The following EIF2AK3 variants were observed in gnomAD, a reference collection of about 807,000 sequenced individuals.
EIF2AK3 encodes eukaryotic translation initiation factor 2-alpha kinase 3.
EIF2AK3 carries 50 observed loss-of-function variants against 113.5 expected under a neutral mutation model. The observed-to-expected ratio is 0.44, with a 90% CI of 0.35 to 0.56. The LOEUF (loss-of-function observed/expected upper bound fraction) is 0.56. Ranked by LOEUF, EIF2AK3 falls within the 20% of genes least tolerant of loss-of-function variation. The pLI is 0.00. For synonymous variants in EIF2AK3, 448 were observed against 495.4 expected (o/e 0.90, Z 1.27); for missense variants, 1,185 against 1,378.0 (o/e 0.86, Z 2.22).
At chr2:88,625,472 C>T (rs761105975) in intron 1 of EIF2AK3, among the ~76,000 whole-genome samples, 28 of 152,198 alleles carry the variant, frequency 1.8e-4, no homozygotes, top group Non-Finnish European at 4.1e-4. Context: ...CTCTTATCTT[C>T]TTACCTACCC....
intron 8 of EIF2AK3, among the ~76,000 whole-genome samples, chr2:88,587,204 C>CAAAAAAAAAAAAAAAAAAAAAA (rs780050125): frequency 3.3e-5 from 1 of 30,262 alleles, no homozygotes; most frequent in African/African-American, 1.8e-4. Flanking sequence ...AACTCCATCT[C>CAAAAAAAAAAAAAAAAAAAAAA]AAAAAAAAAA....
intron 2 of EIF2AK3, among the ~76,000 whole-genome samples, chr2:88,596,060 T>C (rs1337854884): frequency 6.6e-6 from 1 of 152,182 alleles, no homozygotes; most frequent in Non-Finnish European, 1.5e-5. Flanking sequence ...CATGATTATG[T>C]GTAATATGTG....
At chr2:88,570,644 G>C (rs985182442) in intron 14 of EIF2AK3, among the ~76,000 whole-genome samples, 10 of 152,310 alleles carry the variant, frequency 6.6e-5, no homozygotes, top group African/African-American at 2.2e-4. Context: ...GCTTGTTCAG[G>C]GGGTGAGTGC....
chr2:88,583,518 A>G lies in EIF2AK3; in HGVS notation c.1675T>C (p.Cys559Arg). 6.2e-7 allele frequency: 1 copy of G among 1,613,084 alleles called. No individual in the cohort carries two copies. Among genetic ancestry groups the G allele is most frequent in the Non-Finnish European group, 8.5e-7 (1 of 1,179,622 alleles). The change falls in exon 10 of 17, where the codon TGT becomes CGT. Residue 559 changes from cysteine to arginine, a missense_variant. Around this residue, in one of 3 missense-constraint regions of EIF2AK3, gnomAD observed 877 missense variants for 1,024.2 expected, o/e 0.86. Coordinates refer to ENST00000303236, the MANE Select transcript of EIF2AK3 (RefSeq NM_004836.7). ...GAATCATATTTATTTTCAGTTTGAC[A>G]CTGAGTTTCAGACTCCTTCCTTTGC... is the stretch of plus-strand genomic sequence containing the variant. Reference protein sequence around the residue: ...HRQRKESETQCQTENKYDSVS... With the variant: ...HRQRKESETQRQTENKYDSVS...
intron 1 of EIF2AK3, among the ~76,000 whole-genome samples, chr2:88,619,692 C>G (rs374834418): frequency 1.4e-3 from 214 of 152,180 alleles, no homozygotes; most frequent in South Asian, 7.5e-3. Flanking sequence ...GGTGACTCAC[C>G]CCTGTAATCC....
rs769870153 is a variant in EIF2AK3, at chr2:88,574,711, T to G, written c.2772A>C (p.Ala924=). The G allele has an allele frequency of 1.5e-5, 25 of 1,614,058 alleles. No homozygotes were observed. In the South Asian group the frequency reaches 2.5e-4, roughly 16 times the overall value. The change falls in exon 13 of 17, where the codon GCA becomes GCC. Residue 924 remains alanine, a synonymous_variant. Transcript: ENST00000303236. ...CLHIFLQIAE[A]VEFLHSKGLM... ...GTCCTTTACTGTGAAGAAACTCCACTGCCTCTGCGATCTGCAGGAAGATGT... is the reference window on the plus strand; with the variant it reads ...GTCCTTTACTGTGAAGAAACTCCACGGCCTCTGCGATCTGCAGGAAGATGT...
Position 88,590,575 on chromosome 2 carries a change from G to A in EIF2AK3, c.1033C>T (p.Leu345Phe), listed in dbSNP as rs767330545. The change falls in exon 6 of 17, where the codon CTT (leucine) becomes TTT (phenylalanine). Residue 345 changes from leucine (L) to phenylalanine (F), a missense_variant. Transcript: ENST00000303236. ...FCTPIASAWLLKDGKVIPISL... is the reference protein window; with the variant it reads ...FCTPIASAWLFKDGKVIPISL... ...ATGGGAATGACTTTCCCATCCTTAA[G>A]TAACCAGGCAGATGCAATTGGAGTA... is the stretch of plus-strand genomic sequence containing the variant. The A allele has an allele frequency of 3.1e-6, 5 of 1,613,198 alleles. No individual in the cohort carries two copies. The highest frequency in any genetic ancestry group is 3.3e-5 in the Admixed American group (2 of 60,004).
intron 7 of EIF2AK3, among the ~76,000 whole-genome samples, chr2:88,588,429 C>A (rs890656032): frequency 6.6e-6 from 1 of 152,136 alleles, no homozygotes; most frequent in Non-Finnish European, 1.5e-5. Flanking sequence ...GATGTGCTAA[C>A]CAGATAACTT....
chr2:88,605,934 C>A (rs773905885), intron 2 of EIF2AK3, among the ~76,000 whole-genome samples: 2 of 152,020 alleles, frequency 1.3e-5, no homozygotes, highest in African/African-American at 4.8e-5. Flanking sequence ...TGATGATGCC[C>A]TAACGGGAGG....
At chr2:88,581,999 A>G (rs540147840) in intron 10 of EIF2AK3, among the ~76,000 whole-genome samples, 45 of 152,326 alleles carry the variant, frequency 3.0e-4, no homozygotes, top group East Asian at 2.3e-3. Flanking sequence ...CAGTATTTAC[A>G]GGTCCAGGGA....
At chr2:88,586,651 C>T (rs1365645110) in intron 8 of EIF2AK3, among the ~76,000 whole-genome samples, 1 of 145,030 alleles carries the variant, frequency 6.9e-6, no homozygotes, top group Non-Finnish European at 1.5e-5. Context: ...GGCTGGAGTG[C>T]AGTGATCTTG....
intron 1 of EIF2AK3, among the ~76,000 whole-genome samples, chr2:88,620,925 G>T (rs1037991544): frequency 1.3e-5 from 2 of 152,142 alleles, no homozygotes; most frequent in Non-Finnish European, 2.9e-5. Flanking sequence ...TTTGTTGAAT[G>T]AATAAACCTT....
intron 10 of EIF2AK3, among the ~76,000 whole-genome samples, chr2:88,582,397 C>T (rs1018783951): frequency 6.6e-6 from 1 of 152,100 alleles, no homozygotes; most frequent in African/African-American, 2.4e-5. Context: ...TACCAATCTC[C>T]CAGACCCTTC....
chr2:88,582,471 C>T (rs1215163912), intron 10 of EIF2AK3, among the ~76,000 whole-genome samples: 1 of 152,080 alleles, frequency 6.6e-6, no homozygotes, highest in African/African-American at 2.4e-5. Flanking sequence ...TGTTGTTCTC[C>T]AATGGGAAAG....
At position 88,595,486 on chromosome 2, in the gene EIF2AK3, T is replaced by G. The variant is rs1483244464; in HGVS notation, c.616A>C (p.Ser206Arg). Residue 206 changes from serine to arginine, a missense_variant, in exon 3 of 17, where the codon AGT (serine) becomes CGT (arginine). This residue lies in a region of EIF2AK3 where 119 missense variants were observed against 178.7 expected (regional missense o/e 0.67). Coordinates refer to ENST00000303236, the MANE Select transcript of EIF2AK3 (RefSeq NM_004836.7). ...TCACTTACCTTTCCACTATATGCAC[T>G]GAGTCCATATGTAGTCAGAGATTTT... Reference protein sequence around the residue: ...GGKSLTTYGLSAYSGKVRYIC... With the variant: ...GGKSLTTYGLRAYSGKVRYIC... The G allele has an allele frequency of 3.7e-6, 6 of 1,614,044 alleles. No individual in the cohort carries two copies. The highest frequency in any genetic ancestry group is 5.1e-6 in the Non-Finnish European group (6 of 1,179,950).
At chr2:88,599,572 A>G (rs1446297208) in intron 2 of EIF2AK3, among the ~76,000 whole-genome samples, 2 of 151,664 alleles carry the variant, frequency 1.3e-5, no homozygotes, top group Non-Finnish European at 2.9e-5. Flanking sequence ...TATTTACCAG[A>G]ACACTAGATT....
At chr2:88,601,766 C>A (rs1675152840) in intron 2 of EIF2AK3, among the ~76,000 whole-genome samples, 1 of 146,922 alleles carries the variant, frequency 6.8e-6, no homozygotes, top group East Asian at 2.0e-4. Context: ...CCTACTATTT[C>A]AATAAAAGAA....
chr2:88,589,700 AACAG>A (rs371882076), intron 6 of EIF2AK3, among the ~76,000 whole-genome samples: 129 of 150,844 alleles, frequency 8.6e-4, no homozygotes, highest in South Asian at 7.5e-3. Context: ...TATATATATA[AACAG>A]ACAGAGTGTT....
At chr2:88,579,069 T>C (rs994787705) in intron 11 of EIF2AK3, among the ~76,000 whole-genome samples, 1 of 152,096 alleles carries the variant, frequency 6.6e-6, no homozygotes, top group African/African-American at 2.4e-5. Flanking sequence ...GACAAAACTG[T>C]ACAGTACTGG....
Sources: allele counts gnomAD v4.1 joint callset (sites outside exome capture counted in the v4.1 genomes callset), GRCh38; gene constraint gnomAD v4.1.1; regional missense constraint gnomAD v4.1.1; transcripts MANE v1.5; gene names NCBI Gene and HGNC (gene_info 2026-07-23, HGNC 2026-07-21).